Variants in SUGCT observed in about 807,000 individuals in gnomAD.
SUGCT encodes the protein succinyl-CoA:glutarate-CoA transferase, also known as succinyl-CoA:glutarate CoA-transferase.
Under a neutral mutation model 55.0 loss-of-function variants are expected in SUGCT, and 41 were observed. The observed-to-expected ratio is 0.74, with a 90% CI of 0.58 to 0.97. The LOEUF (loss-of-function observed/expected upper bound fraction) is 0.97, where lower values mean the gene tolerates loss of function less well. Ranked by LOEUF, SUGCT falls within the 50% of genes least tolerant of loss-of-function variation. SUGCT has a pLI of 0.00. For synonymous variants in SUGCT, 187 were observed against 200.4 expected (o/e 0.93, Z 0.56); for missense variants, 568 against 547.8 (o/e 1.04, Z -0.37).
At chr7:40,174,923 T>C (rs1253609297) in intron 1 of SUGCT, among the ~76,000 whole-genome samples, 1 of 152,196 alleles carries the variant, frequency 6.6e-6, no homozygotes. Context: ...TATTGAATAG[T>C]TATCTTTTAA....
intron 3 of SUGCT, among the ~76,000 whole-genome samples, chr7:40,182,522 AC>A (rs1248190153): frequency 2.0e-5 from 3 of 150,848 alleles, no homozygotes; most frequent in African/African-American, 7.3e-5. Flanking sequence ...AGGTCATGCC[AC>A]TGCACTCCAG....
At chr7:40,970,296 C>T in the SUGCT span, among the ~76,000 whole-genome samples, 34 of 152,234 alleles carry the variant, frequency 2.2e-4, no homozygotes, top group East Asian at 4.6e-3. Context: ...CTCAGCCTCC[C>T]GAGTAGGTGG....
chr7:40,578,952 G>C (rs1283758219), intron 12 of SUGCT, among the ~76,000 whole-genome samples: 2 of 152,156 alleles, frequency 1.3e-5, no homozygotes, highest in African/African-American at 4.8e-5. Flanking sequence ...CCAGTTCTCA[G>C]AAGTGTCTAG....
intron 9 of SUGCT, among the ~76,000 whole-genome samples, chr7:40,396,737 G>A (rs1326805096): frequency 6.6e-6 from 1 of 152,144 alleles, no homozygotes; most frequent in African/African-American, 2.4e-5. Context: ...TGTGGATTCA[G>A]GCACCTGTTG....
At chr7:40,433,713 G>T (rs1227021309) in intron 9 of SUGCT, among the ~76,000 whole-genome samples, 1 of 152,158 alleles carries the variant, frequency 6.6e-6, no homozygotes, top group Non-Finnish European at 1.5e-5. Flanking sequence ...GGTGTTTGGG[G>T]TGGAATAGAA....
At chr7:40,565,997 A>ACACACACACACACACG (rs1796122875) in intron 12 of SUGCT, among the ~76,000 whole-genome samples, 1 of 66,722 alleles carries the variant, frequency 1.5e-5, no homozygotes, top group Non-Finnish European at 4.5e-5. Context: ...ACACACGCAC[A>ACACACACACACACACG]CACACACACA....
chr7:40,404,441 C>CTT (rs796273282), intron 9 of SUGCT, among the ~76,000 whole-genome samples: 1 of 142,544 alleles, frequency 7.0e-6, no homozygotes, highest in Non-Finnish European at 1.5e-5. Context: ...ATCCACTTGA[C>CTT]TTTTTTTTTT....
chr7:40,441,368 T>C (rs1270380897), intron 9 of SUGCT, among the ~76,000 whole-genome samples: 2 of 152,148 alleles, frequency 1.3e-5, no homozygotes, highest in African/African-American at 2.4e-5. Flanking sequence ...TTAAGGATCT[T>C]AGTTGGACCA....
the SUGCT span, among the ~76,000 whole-genome samples, chr7:40,969,401 C>T: frequency 6.6e-6 from 1 of 152,190 alleles, no homozygotes; most frequent in African/African-American, 2.4e-5. Context: ...TGCTCTATTG[C>T]CCAGCCTGGA....
chr7:40,930,202 G>T, the SUGCT span, among the ~76,000 whole-genome samples: 5 of 151,982 alleles, frequency 3.3e-5, no homozygotes, highest in Admixed American at 6.5e-5. Context: ...TCTTGTTTTT[G>T]TCAGGTTTGT....
chr7:40,967,986 G>A, the SUGCT span: 4 of 152,084 alleles, frequency 2.6e-5, no homozygotes, highest in Non-Finnish European at 5.9e-5. Context: ...TTTCTAACCT[G>A]TGGATCATAA....
At chr7:40,527,842 A>G (rs1793885064) in intron 12 of SUGCT, among the ~76,000 whole-genome samples, 1 of 152,204 alleles carries the variant, frequency 6.6e-6, no homozygotes, top group South Asian at 2.1e-4. Context: ...GGGAATTATT[A>G]TGCATGCCAA....
At chr7:40,824,145 A>G (rs554463599) in intron 13 of SUGCT, among the ~76,000 whole-genome samples, 8 of 152,166 alleles carry the variant, frequency 5.3e-5, no homozygotes, top group African/African-American at 1.9e-4. Flanking sequence ...CATGACAAGT[A>G]GCTAGCTAAA....
At chr7:40,655,686 CA>C (rs941040911) in intron 12 of SUGCT, among the ~76,000 whole-genome samples, 78 of 152,170 alleles carry the variant, frequency 5.1e-4, no homozygotes, top group African/African-American at 1.8e-3. Context: ...TTGGCAAGGT[CA>C]GGGGAGGGGT....
intron 13 of SUGCT, among the ~76,000 whole-genome samples, chr7:40,768,338 C>T (rs1788911189): frequency 6.6e-6 from 1 of 152,062 alleles, no homozygotes; most frequent in African/African-American, 2.4e-5. Context: ...CTTCCTGTGT[C>T]CCTGGAAAAG....
chr7:40,709,753 C>T (rs1046550399), intron 12 of SUGCT, among the ~76,000 whole-genome samples: 1 of 152,204 alleles, frequency 6.6e-6, no homozygotes, highest in Non-Finnish European at 1.5e-5. Context: ...AGTGGTTACT[C>T]ACTATAGGTG....
At chr7:40,869,986 C>T in the SUGCT span, among the ~76,000 whole-genome samples, 2,463 of 152,160 alleles carry the variant, frequency 0.016, 156 homozygotes, top group East Asian at 0.11. Flanking sequence ...TTAGTTAAGG[C>T]GGCATCTTAC....
At chr7:40,736,660 A>G (rs1156804275) in intron 12 of SUGCT, among the ~76,000 whole-genome samples, 1 of 152,136 alleles carries the variant, frequency 6.6e-6, no homozygotes, top group Non-Finnish European at 1.5e-5. Flanking sequence ...ACAATAGTGA[A>G]ACTCAGAAGA....
intron 12 of SUGCT, among the ~76,000 whole-genome samples, chr7:40,712,728 G>A (rs949823317): frequency 1.3e-5 from 2 of 152,238 alleles, no homozygotes; most frequent in Non-Finnish European, 2.9e-5. Flanking sequence ...AGAGGATGGA[G>A]TCTCTTACCT....
Sources: gnomAD v4.1 joint callset for allele counts (sites outside exome capture counted in the v4.1 genomes callset) on GRCh38, gnomAD v4.1.1 for gene constraint, MANE v1.5 for transcripts, NCBI Gene and HGNC (gene_info 2026-07-23, HGNC 2026-07-21) for gene names.